Variants in NCKAP5 observed in about 807,000 individuals in gnomAD.
NCKAP5 encodes NCK associated protein 5.
Under a neutral mutation model 167.0 loss-of-function variants are expected in NCKAP5, and 92 were observed. That is an observed-to-expected ratio of 0.55 (90% CI 0.47 to 0.66). NCKAP5 has a LOEUF of 0.66. NCKAP5 is among the 30% of genes least tolerant of loss of function. The pLI, the probability that NCKAP5 is intolerant of heterozygous loss-of-function variation, is 0.00. For synonymous variants in NCKAP5, 891 were observed against 877.4 expected (o/e 1.02, Z -0.27); for missense variants, 2,378 against 2,315.0 (o/e 1.03, Z -0.56).
At chr2:133,541,387 A>G (rs1686217042) in intron 2 of NCKAP5, among the ~76,000 whole-genome samples, 1 of 152,188 alleles carries the variant, frequency 6.6e-6, no homozygotes, top group African/African-American at 2.4e-5. Flanking sequence ...AGCAACATTC[A>G]CAGAGAAAAT....
chr2:132,960,512 AT>A (rs1180828901), intron 8 of NCKAP5, among the ~76,000 whole-genome samples: 2 of 152,184 alleles, frequency 1.3e-5, no homozygotes, highest in African/African-American at 4.8e-5. Context: ...ATGACCCCAT[AT>A]CCTTCCTAGG....
chr2:132,925,334 CAGA>C (rs1464652452), intron 8 of NCKAP5, among the ~76,000 whole-genome samples: 1 of 150,862 alleles, frequency 6.6e-6, no homozygotes, highest in Non-Finnish European at 1.5e-5. Context: ...GCGGGCAGAT[CAGA>C]AGGTCAGCAG....
intron 3 of NCKAP5, among the ~76,000 whole-genome samples, chr2:133,416,311 G>A (rs1356000749): frequency 6.6e-6 from 1 of 152,128 alleles, no homozygotes; most frequent in Non-Finnish European, 1.5e-5. Flanking sequence ...GATTCCAAGA[G>A]ATGGGAAATT....
intron 5 of NCKAP5, among the ~76,000 whole-genome samples, chr2:133,212,172 T>C (rs2086236871): frequency 6.6e-6 from 1 of 152,200 alleles, no homozygotes; most frequent in Admixed American, 6.5e-5. Context: ...TACTTCCTCA[T>C]ATTCAACTAG....
At chr2:133,550,846 AC>A (rs1264679493) in intron 2 of NCKAP5, among the ~76,000 whole-genome samples, 2 of 141,890 alleles carry the variant, frequency 1.4e-5, no homozygotes, top group African/African-American at 5.2e-5. Flanking sequence ...TATCTAGAAA[AC>A]CCCATTGTCT....
At chr2:133,502,193 G>A (rs1446805349) in intron 3 of NCKAP5, among the ~76,000 whole-genome samples, 1 of 152,202 alleles carries the variant, frequency 6.6e-6, no homozygotes, top group African/African-American at 2.4e-5. Context: ...TGGTTTATAT[G>A]TGCCTCTACT....
In NCKAP5 at chr2:133,140,827, A is replaced by C. The variant is rs114163687; in HGVS notation, c.208-10716T>G. 6.3e-3 allele frequency among the ~76,000 whole-genome samples: 951 copies of C among 149,842 alleles called. 17 individuals are homozygous for C. The highest frequency in any genetic ancestry group is 0.022 in the African/African-American group (905 of 41,088). On this transcript the variant is annotated intron_variant, in intron 5 of 19. Transcript: ENST00000409261. ...TAAAATGAATAACAAATTATATACA[A>C]AATAATATATTACTATATATTCAGT...
chr2:133,068,010 A>G (rs2080257027), intron 6 of NCKAP5, among the ~76,000 whole-genome samples: 2 of 152,162 alleles, frequency 1.3e-5, no homozygotes, highest in Admixed American at 6.5e-5. Context: ...AACTTGGACA[A>G]GAGTGTCTCT....
intron 3 of NCKAP5, among the ~76,000 whole-genome samples, chr2:133,499,318 C>T (rs112896118): frequency 5.9e-5 from 9 of 152,138 alleles, no homozygotes; most frequent in African/African-American, 2.2e-4. Context: ...CTTACTTGCA[C>T]GTTAAACGTC....
chr2:133,163,303 C>T (rs537875331), intron 5 of NCKAP5, among the ~76,000 whole-genome samples: 27 of 152,292 alleles, frequency 1.8e-4, no homozygotes, highest in Admixed American at 1.2e-3. Context: ...AACTTGATTG[C>T]CTCTACACGT....
chr2:133,245,583 C>T (rs977945440), intron 4 of NCKAP5, among the ~76,000 whole-genome samples: 1 of 151,932 alleles, frequency 6.6e-6, no homozygotes. Context: ...AACCAGTATA[C>T]TAACACTTGA....
intron 6 of NCKAP5, among the ~76,000 whole-genome samples, chr2:133,095,840 C>T (rs889430002): frequency 1.3e-5 from 2 of 152,108 alleles, no homozygotes; most frequent in African/African-American, 2.4e-5. Context: ...CTGGACCATA[C>T]GAAATTGCCA....
chr2:133,509,095 G>C (rs1683268251), intron 3 of NCKAP5, among the ~76,000 whole-genome samples: 1 of 152,184 alleles, frequency 6.6e-6, no homozygotes, highest in Non-Finnish European at 1.5e-5. Context: ...AGCAAGGGAA[G>C]CCATCCATGG....
chr2:133,588,510 C>T, the NCKAP5 span, among the ~76,000 whole-genome samples: 7 of 151,128 alleles, frequency 4.6e-5, no homozygotes, highest in African/African-American at 1.7e-4. Flanking sequence ...TACCTTCCCT[C>T]CTCCCTGCCT....
intron 3 of NCKAP5, among the ~76,000 whole-genome samples, chr2:133,319,248 T>C (rs1681857293): frequency 6.6e-6 from 1 of 151,520 alleles, no homozygotes; most frequent in Non-Finnish European, 1.5e-5. Context: ...ATTCAAGGTT[T>C]CTTTTCAAAA....
chr2:133,536,031 A>T (rs952358966), intron 2 of NCKAP5, among the ~76,000 whole-genome samples: 3 of 152,008 alleles, frequency 2.0e-5, no homozygotes, highest in Non-Finnish European at 4.4e-5. Flanking sequence ...TAGACTCTGG[A>T]TATTAGTCCT....
the NCKAP5 span, among the ~76,000 whole-genome samples, chr2:133,605,270 T>A: frequency 6.6e-6 from 1 of 152,178 alleles, no homozygotes; most frequent in South Asian, 2.1e-4. Flanking sequence ...CCCTGTGAAT[T>A]TGAGTTTATC....
In NCKAP5 at chr2:133,171,126, G is replaced by A. The variant is rs932400369; in HGVS notation, c.208-41015C>T. 5.9e-5 allele frequency among the ~76,000 whole-genome samples: 9 copies of A among 152,268 alleles called. 1 individual carries two copies. Among genetic ancestry groups the A allele is most frequent in the Admixed American group, 2.0e-4 (3 of 15,298 alleles). On this transcript the variant is annotated intron_variant, in intron 5 of 19. Transcript: ENST00000409261. ...AAGCAGGTCAGTAGAGAGATAAAGG[G>A]AGCATTTTGAGGCAGGGTGCTTTTG...
chr2:133,139,093 C>T (rs1186388347), intron 5 of NCKAP5, among the ~76,000 whole-genome samples: 1 of 152,178 alleles, frequency 6.6e-6, no homozygotes, highest in African/African-American at 2.4e-5. Context: ...ATATGTGTGA[C>T]CCTCAGGTGT....
Sources: allele counts gnomAD v4.1 joint callset (sites outside exome capture counted in the v4.1 genomes callset), GRCh38; gene constraint gnomAD v4.1.1; transcripts MANE v1.5; gene names NCBI Gene and HGNC (gene_info 2026-07-23, HGNC 2026-07-21).